CNTNAP2: variants seen among roughly 807,000 people sequenced by gnomAD.
The protein encoded by CNTNAP2 is contactin-associated protein-like 2.
In CNTNAP2, 98 loss-of-function variants were observed where a neutral mutation model predicts 155.2. The ratio of observed to expected loss-of-function variants is 0.63; its 90% CI spans 0.54 to 0.75. The LOEUF (loss-of-function observed/expected upper bound fraction) is 0.75, where lower values mean the gene tolerates loss of function less well. Among genes scored for constraint, CNTNAP2 ranks in the 30% least tolerant of loss-of-function variants. The pLI, the probability that CNTNAP2 is intolerant of heterozygous loss-of-function variation, is 0.00. For missense variants in CNTNAP2, 1,727 were observed against 1,688.1 expected (o/e 1.02, Z -0.40); for synonymous variants, 651 against 631.2 (o/e 1.03, Z -0.47).
intron 19 of CNTNAP2, among the ~76,000 whole-genome samples, chr7:148,224,971 C>T (rs1196703080): frequency 1.3e-5 from 2 of 152,166 alleles, no homozygotes; most frequent in African/African-American, 4.8e-5. Flanking sequence ...CCTCCCATGG[C>T]ACATGGGGAT....
At chr7:147,771,719 G>A (rs1797472023) in intron 13 of CNTNAP2, among the ~76,000 whole-genome samples, 1 of 151,916 alleles carries the variant, frequency 6.6e-6, no homozygotes, top group Admixed American at 6.6e-5. Context: ...AAGTTGTCTG[G>A]CTCAAACTTC....
intron 14 of CNTNAP2, among the ~76,000 whole-genome samples, chr7:147,907,919 A>T (rs757912777): frequency 6.7e-6 from 1 of 150,358 alleles, no homozygotes; most frequent in Non-Finnish European, 1.5e-5. Context: ...ACAGGCACGC[A>T]TCACCATGCC....
intron 1 of CNTNAP2, among the ~76,000 whole-genome samples, chr7:146,750,049 T>G (rs1039125952): frequency 1.3e-5 from 2 of 152,092 alleles, no homozygotes; most frequent in East Asian, 1.9e-4. Context: ...GTACAAGTGG[T>G]TATCCTCATA....
At chr7:146,463,076 TAGAAAGTATTAG>T (rs1796662766) in intron 1 of CNTNAP2, among the ~76,000 whole-genome samples, 1 of 151,854 alleles carries the variant, frequency 6.6e-6, no homozygotes, top group South Asian at 2.1e-4. Flanking sequence ...TTGAATAGAC[TAGAAAGTATTAG>T]AGGATAAATG....
chr7:146,703,747 G>C (rs1438448822), intron 1 of CNTNAP2, among the ~76,000 whole-genome samples: 1 of 152,076 alleles, frequency 6.6e-6, no homozygotes, highest in African/African-American at 2.4e-5. Flanking sequence ...CCGTTCTCAT[G>C]ACCTGATCAC....
chr7:147,977,710 A>G, intron 14 of CNTNAP2, 152 bp from the exon 15 acceptor site: 4 of 1,076,372 alleles, frequency 3.7e-6, no homozygotes, highest in Non-Finnish European at 5.4e-6. Context: ...CACCTATGGA[A>G]GAGAGAGAAC....
chr7:146,361,122 T>C (rs530536643), intron 1 of CNTNAP2, among the ~76,000 whole-genome samples: 20 of 152,292 alleles, frequency 1.3e-4, no homozygotes, highest in South Asian at 1.0e-3. Flanking sequence ...GACAAATTCC[T>C]GAAATACCTG....
chr7:148,111,972 C>T (rs1296871061), intron 15 of CNTNAP2, among the ~76,000 whole-genome samples: 1 of 152,080 alleles, frequency 6.6e-6, no homozygotes, highest in African/African-American at 2.4e-5. Flanking sequence ...CAAAGTGTGG[C>T]AAAAGGAAGT....
intron 8 of CNTNAP2, among the ~76,000 whole-genome samples, chr7:147,183,562 A>AGTGTGTGTGTGT (rs112187548): frequency 6.4e-4 from 97 of 151,366 alleles, no homozygotes; most frequent in African/African-American, 2.2e-3. Context: ...TTGTTAAATA[A>AGTGTGTGTGTGT]GTGTGTGTGT....
intron 13 of CNTNAP2, among the ~76,000 whole-genome samples, chr7:147,855,602 C>G (rs756107441): frequency 2.6e-5 from 4 of 151,668 alleles, no homozygotes; most frequent in Non-Finnish European, 5.9e-5. Flanking sequence ...GTCTGGCCAA[C>G]ATGGTAAAAC....
rs575289213 is a variant in CNTNAP2, at chr7:146,991,567, T to C, written c.403-52340T>C. On this transcript the variant is annotated intron_variant, in intron 3 of 23. Transcript: ENST00000361727. ...ACGAACAGAATTGTTTTCATCAAAT[T>C]TTCACTGTGTAATAACACATTGTAA... Among the ~76,000 whole-genome samples the C allele has an allele frequency of 1.3e-4, 20 of 152,284 alleles. No homozygotes were observed. The South Asian group carries it at 4.1e-3, about 32-fold the overall frequency.
At chr7:147,522,402 A>T (rs28565927) in intron 11 of CNTNAP2, among the ~76,000 whole-genome samples, 35,000 of 152,114 alleles carry the variant, frequency 0.23, 4,776 homozygotes, top group East Asian at 0.32. Context: ...ACAGAAAATG[A>T]ATGAATTAAA....
At chr7:147,554,928 A>G (rs748782741) in intron 11 of CNTNAP2, among the ~76,000 whole-genome samples, 2 of 152,140 alleles carry the variant, frequency 1.3e-5, no homozygotes, top group South Asian at 2.1e-4. Context: ...TGTGAAGCTT[A>G]TATTGTACTA....
In CNTNAP2 at chr7:147,544,807, G is replaced by C. The variant is rs143708760; in HGVS notation, c.1778-17331G>C. 4.9e-4 allele frequency among the ~76,000 whole-genome samples: 74 copies of C among 152,126 alleles called. 2 individuals are homozygous for C. In the East Asian group the frequency reaches 0.014, roughly 28 times the overall value. On this transcript the variant is annotated intron_variant, in intron 11 of 23. Transcript: ENST00000361727. Reference sequence around the variant, plus strand: ...TGAATAAGTCTCACGAGATCTGATGGTTTTATAAGGGGTGTCCGGTTTTGC... The same window carrying C: ...TGAATAAGTCTCACGAGATCTGATGCTTTTATAAGGGGTGTCCGGTTTTGC...
At chr7:147,367,620 G>A (rs1382086112) in intron 9 of CNTNAP2, among the ~76,000 whole-genome samples, 1 of 151,998 alleles carries the variant, frequency 6.6e-6, no homozygotes, top group East Asian at 1.9e-4. Context: ...AACAGAAAAG[G>A]CAAAACACAC....
At chr7:147,514,609 T>A (rs1399183123) in intron 11 of CNTNAP2, among the ~76,000 whole-genome samples, 1 of 137,302 alleles carries the variant, frequency 7.3e-6, no homozygotes, top group East Asian at 2.1e-4. Flanking sequence ...TCTTAGAAAG[T>A]GAGATTTGAA....
chr7:146,991,323 T>A (rs1055307748), intron 3 of CNTNAP2, among the ~76,000 whole-genome samples: 1 of 152,088 alleles, frequency 6.6e-6, no homozygotes, highest in Non-Finnish European at 1.5e-5. Flanking sequence ...GAGAATTTAA[T>A]TCAAATGTAA....
intron 10 of CNTNAP2, among the ~76,000 whole-genome samples, chr7:147,420,746 A>T (rs1563198101): frequency 6.6e-6 from 1 of 152,214 alleles, no homozygotes; most frequent in African/African-American, 2.4e-5. Flanking sequence ...ACATTAAAAA[A>T]TACTTGTCAT....
chr7:147,424,757 T>C (rs558716235), intron 10 of CNTNAP2, among the ~76,000 whole-genome samples: 2 of 152,294 alleles, frequency 1.3e-5, no homozygotes, highest in South Asian at 4.1e-4. Flanking sequence ...CAAACTACCA[T>C]TAAAAATAAA....
Sources: allele counts gnomAD v4.1 joint callset (sites outside exome capture counted in the v4.1 genomes callset), GRCh38; gene constraint gnomAD v4.1.1; transcripts MANE v1.5; gene names NCBI Gene and HGNC (gene_info 2026-07-23, HGNC 2026-07-21).